Variants in KCNB2 observed in about 807,000 individuals in gnomAD.
KCNB2 encodes delayed rectifier potassium channel protein.
In KCNB2, 15 loss-of-function variants were observed where a neutral mutation model predicts 61.5. That is an observed-to-expected ratio of 0.24 (90% CI 0.16 to 0.38). The LOEUF (loss-of-function observed/expected upper bound fraction) is 0.38. Among genes scored for constraint, KCNB2 ranks in the 10% least tolerant of loss-of-function variants. KCNB2 has a pLI of 1.00. For missense variants in KCNB2, 828 were observed against 1,125.2 expected, an observed-to-expected ratio of 0.74 and a Z score of 3.78; for synonymous variants, 457 against 446.0, an observed-to-expected ratio of 1.02 and a Z score of -0.31.
chr8:72,753,935 A>T (rs1016925491), intron 2 of KCNB2, among the ~76,000 whole-genome samples: 4 of 152,132 alleles, frequency 2.6e-5, no homozygotes, highest in African/African-American at 9.7e-5. Context: ...GAGAACTGGG[A>T]TCTGGAGTCC....
At chr8:72,905,199 T>G (rs1806156310) in intron 2 of KCNB2, among the ~76,000 whole-genome samples, 1 of 152,162 alleles carries the variant, frequency 6.6e-6, no homozygotes, top group African/African-American at 2.4e-5. Flanking sequence ...ATTGAATATT[T>G]TTAAAGCTCA....
intron 2 of KCNB2, among the ~76,000 whole-genome samples, chr8:72,819,859 T>C (rs747493962): frequency 2.0e-5 from 3 of 152,178 alleles, no homozygotes; most frequent in Non-Finnish European, 4.4e-5. Context: ...TCCACTGCTA[T>C]CAAATAAAGT....
intron 2 of KCNB2, among the ~76,000 whole-genome samples, chr8:72,621,347 A>G (rs1368252368): frequency 2.0e-5 from 3 of 152,202 alleles, no homozygotes; most frequent in Admixed American, 2.0e-4. Context: ...TCCAGATCCC[A>G]GCTTCCAGAT....
chr8:72,761,440 C>A (rs1443648175), intron 2 of KCNB2, among the ~76,000 whole-genome samples: 1 of 152,176 alleles, frequency 6.6e-6, no homozygotes, highest in Non-Finnish European at 1.5e-5. Flanking sequence ...GGGGAAAAAA[C>A]CCAGCTCTTT....
chr8:72,671,489 T>G (rs1806565307), intron 2 of KCNB2, among the ~76,000 whole-genome samples: 1 of 152,188 alleles, frequency 6.6e-6, no homozygotes, highest in South Asian at 2.1e-4. Context: ...ACCTGCTTAT[T>G]ATGAGACTTG....
At chr8:72,750,233 TTCC>T (rs1808165950) in intron 2 of KCNB2, 1 of 152,180 alleles carries the variant, frequency 6.6e-6, no homozygotes, top group African/African-American at 2.4e-5. Flanking sequence ...CATTCATTTT[TTCC>T]TATTGTACAG....
At chr8:72,716,430 C>T (rs1019846162) in intron 2 of KCNB2, among the ~76,000 whole-genome samples, 7 of 152,060 alleles carry the variant, frequency 4.6e-5, no homozygotes, top group South Asian at 4.2e-4. Context: ...ATTGGCAAGC[C>T]GAATCCAGCA....
Position 72,561,708 on chromosome 8 carries a change from T to TGG in KCNB2, c.-93-5934_-93-5933insGG, listed in dbSNP as rs1806518141. Among the ~76,000 whole-genome samples the TGG allele has an allele frequency of 1.4e-4, 3 of 21,096 alleles. 1 individual carries two copies. The South Asian group carries it at 3.2e-3, about 23-fold the overall frequency. The allele number at this position is 21,096 out of a possible 152,430, so 13.8% of individuals were successfully genotyped here. On this transcript the variant is annotated intron_variant, in intron 1 of 2. Coordinates refer to ENST00000523207, the MANE Select transcript of KCNB2 (RefSeq NM_004770.3). ...TCTTACTTTTATATATATATATATA[T>TGG]ATATATATATATATATATATCTATA...
At chr8:72,666,530 G>A (rs1771644226) in intron 2 of KCNB2, among the ~76,000 whole-genome samples, 1 of 152,156 alleles carries the variant, frequency 6.6e-6, no homozygotes, top group Middle Eastern at 3.4e-3. Context: ...CAAAAGCTTT[G>A]ATTGAATTCT....
intron 2 of KCNB2, among the ~76,000 whole-genome samples, chr8:72,666,535 A>G (rs536771816): frequency 2.6e-5 from 4 of 152,212 alleles, no homozygotes; most frequent in Non-Finnish European, 5.9e-5. Flanking sequence ...GCTTTGATTG[A>G]ATTCTAAATG....
chr8:72,609,962 G>A (rs1805511932), intron 2 of KCNB2, among the ~76,000 whole-genome samples: 1 of 152,128 alleles, frequency 6.6e-6, no homozygotes, highest in African/African-American at 2.4e-5. Context: ...TACAAACTGT[G>A]GCTCTGGCTG....
At chr8:72,828,972 A>G (rs1809644820) in intron 2 of KCNB2, among the ~76,000 whole-genome samples, 1 of 152,210 alleles carries the variant, frequency 6.6e-6, no homozygotes, top group African/African-American at 2.4e-5. Flanking sequence ...TCTCCAGATT[A>G]ACGTTAGGCT....
At chr8:72,788,099 G>T (rs928230644) in intron 2 of KCNB2, among the ~76,000 whole-genome samples, 1 of 152,240 alleles carries the variant, frequency 6.6e-6, no homozygotes, top group Admixed American at 6.5e-5. Context: ...TAAGGACTTG[G>T]CATTCTGTTC....
At chr8:72,654,836 G>A (rs1304401220) in intron 2 of KCNB2, among the ~76,000 whole-genome samples, 3 of 152,126 alleles carry the variant, frequency 2.0e-5, no homozygotes, top group Non-Finnish European at 4.4e-5. Flanking sequence ...AAAAGGGAAT[G>A]CTTATACATA....
chr8:72,928,965 A>G (rs1271503939), intron 2 of KCNB2, among the ~76,000 whole-genome samples: 1 of 152,076 alleles, frequency 6.6e-6, no homozygotes, highest in Non-Finnish European at 1.5e-5. Flanking sequence ...TTGTTTCCCA[A>G]TGCTGGCTAA....
At chr8:72,690,591 A>G (rs1004287598) in intron 2 of KCNB2, among the ~76,000 whole-genome samples, 9 of 152,202 alleles carry the variant, frequency 5.9e-5, no homozygotes, top group Non-Finnish European at 1.2e-4. Context: ...ACCAAGTCCT[A>G]CTTGGCTAGG....
chr8:72,917,250 G>A (rs1806418290), intron 2 of KCNB2, among the ~76,000 whole-genome samples: 1 of 152,164 alleles, frequency 6.6e-6, no homozygotes, highest in Non-Finnish European at 1.5e-5. Flanking sequence ...CTCATGTACA[G>A]CAAAGAGAAA....
chr8:72,586,011 A>C (rs1806995888), intron 2 of KCNB2, among the ~76,000 whole-genome samples: 1 of 152,200 alleles, frequency 6.6e-6, no homozygotes, highest in African/African-American at 2.4e-5. Flanking sequence ...CTTTCACTCT[A>C]AGTAGACTCT....
chr8:72,851,148 A>G lies in KCNB2; in HGVS notation c.580-84787A>G, dbSNP rs568760839. ...GATTATGATCAAACTGGCTCTTTCT[A>G]TGGAATGAACTAGAATCTCTCCAAA... On this transcript the variant is annotated intron_variant, in intron 2 of 2. Coordinates refer to ENST00000523207, the MANE Select transcript of KCNB2 (RefSeq NM_004770.3). Among the ~76,000 whole-genome samples, 7 of 152,406 alleles carry G rather than the reference A, an allele frequency of 4.6e-5. No individual in the cohort carries two copies. The East Asian group carries it at 1.3e-3, about 29-fold the overall frequency.
Sources: gnomAD v4.1 joint callset for allele counts (sites outside exome capture counted in the v4.1 genomes callset) on GRCh38, gnomAD v4.1.1 for gene constraint, MANE v1.5 for transcripts, NCBI Gene and HGNC (gene_info 2026-07-23, HGNC 2026-07-21) for gene names.